DAPK3: variants seen among roughly 807,000 people sequenced by gnomAD.
The protein encoded by DAPK3 is death-associated protein kinase 3.
In DAPK3, 24 loss-of-function variants were observed where a neutral mutation model predicts 30.6. The observed-to-expected ratio is 0.78, with a 90% confidence interval of 0.57 to 1.10. The LOEUF (loss-of-function observed/expected upper bound fraction) is 1.10. DAPK3 is among the 50% of genes least tolerant of loss of function. DAPK3 has a pLI of 0.00. For missense variants in DAPK3, 629 were observed against 657.3 expected (o/e 0.96, Z 0.47); for synonymous variants, 341 against 284.0 (o/e 1.20, Z -2.02).
chr19:3,960,860 A>C (rs995361370), intron 7 of DAPK3, 149 bp downstream of exon 7: 19 of 679,540 alleles, frequency 2.8e-5, no homozygotes, highest in Non-Finnish European at 4.2e-5. Flanking sequence ...CCAGTTTATC[A>C]GTTTACTCTC....
intron 2 of DAPK3, among the ~76,000 whole-genome samples, chr19:3,965,363 T>G (rs2039566484): frequency 6.6e-6 from 1 of 152,196 alleles, no homozygotes. Context: ...ACGCCTGTAA[T>G]CCCAGCACTT....
intron 2 of DAPK3, among the ~76,000 whole-genome samples, chr19:3,967,015 G>A (rs372200640): frequency 6.6e-6 from 1 of 152,160 alleles, no homozygotes; most frequent in South Asian, 2.1e-4. Context: ...AGCGCAGGTG[G>A]GGGCACAGCA....
Position 3,958,795 on chromosome 19 carries a change from G to A in DAPK3, c.*306C>T, listed in dbSNP as rs181444669. The A allele has an allele frequency of 6.2e-4, 346 of 558,880 alleles. 2 individuals carry two copies. The highest frequency in any genetic ancestry group is 5.9e-3 in the African/African-American group (313 of 52,956). The allele number at this position is 558,880 out of a possible 1,614,324, so 34.6% of individuals were successfully genotyped here. A position where few individuals can be genotyped will look rare whatever the true frequency, so the allele number is the denominator to read the frequency against. ...AGGGCTGCATTCGGGCCGCCTCTGC[G>A]CCTCGGTGGGTCCCAACCCTCACGG... On this transcript the variant is annotated 3_prime_UTR_variant, in exon 9 of 9. Transcript: ENST00000545797.
At chr19:3,966,010 C>T (rs1345202441) in intron 2 of DAPK3, among the ~76,000 whole-genome samples, 1 of 152,054 alleles carries the variant, frequency 6.6e-6, no homozygotes, top group African/African-American at 2.4e-5. Flanking sequence ...CTTTGGAACT[C>T]CTGGCCTCAA....
intron 6 of DAPK3, 81 bp from the exon 7 acceptor site, chr19:3,961,242 C>G (rs556237440): frequency 3.7e-5 from 45 of 1,202,184 alleles, no homozygotes; most frequent in Non-Finnish European, 8.5e-6. Flanking sequence ...CCACGACAGG[C>G]GGAGCACAGA....
intron 2 of DAPK3, among the ~76,000 whole-genome samples, chr19:3,966,617 C>T (rs182433829): frequency 1.3e-5 from 2 of 152,360 alleles, no homozygotes; most frequent in Non-Finnish European, 2.9e-5. Context: ...CCGTCATTCA[C>T]TCTGCCAGGG....
chr19:3,963,081 GACA>G (rs959126890), intron 6 of DAPK3, among the ~76,000 whole-genome samples: 17 of 148,858 alleles, frequency 1.1e-4, no homozygotes, highest in Admixed American at 8.4e-4. Context: ...CTCCAACCTG[GACA>G]ACAAGAGCAA....
intron 3 of DAPK3, 31 bp downstream of exon 3, chr19:3,964,600 G>A (rs1312764878): frequency 1.0e-6 from 1 of 967,914 alleles, no homozygotes; most frequent in Non-Finnish European, 1.5e-6. Flanking sequence ...ACACTGGCCA[G>A]GCCGGCCCCA....
chr19:3,970,248 T>C (rs1717320817), intron 1 of DAPK3, among the ~76,000 whole-genome samples: 1 of 152,100 alleles, frequency 6.6e-6, no homozygotes, highest in South Asian at 2.1e-4. Context: ...AGTTCTCAAG[T>C]CTACTTCTTT....
In DAPK3 at chr19:3,959,095, C is replaced by A. The variant is rs1238653226; in HGVS notation, c.*6G>T. ...CTGTCCTGGGGCCTGGCCCACCCCACTGCGCCTAGCGCAGCCCGCACTCCA... is the reference window on the plus strand; with the variant it reads ...CTGTCCTGGGGCCTGGCCCACCCCAATGCGCCTAGCGCAGCCCGCACTCCA... On this transcript the variant is annotated 3_prime_UTR_variant, in exon 9 of 9. Coordinates refer to ENST00000545797, the MANE Select transcript of DAPK3 (RefSeq NM_001348.3). 3 of 1,507,954 alleles carry A rather than the reference C, an allele frequency of 2.0e-6. No homozygotes were observed. Among genetic ancestry groups the A allele is most frequent in the African/African-American group, 2.8e-5 (2 of 72,062 alleles). 93.4% of individuals were successfully genotyped at this position (1,507,954 alleles called of 1,614,324 possible). A position where few individuals can be genotyped will look rare whatever the true frequency, so the allele number is the denominator to read the frequency against.
At position 3,959,822 on chromosome 19, in the gene DAPK3, C is replaced by T. The variant is rs574438829; in HGVS notation, c.829-185G>A. On this transcript the variant is annotated intron_variant, in intron 8 of 8. Coordinates refer to ENST00000545797, the MANE Select transcript of DAPK3 (RefSeq NM_001348.3). ...CTCGAGAAAAACGCTGCGGCCCTGG[C>T]CCCAGGAGTCAGCCCCGTTGGACAC... The T allele has an allele frequency of 7.1e-5, 51 of 719,250 alleles. No individual in the cohort carries two copies. The East Asian group carries it at 1.2e-3, about 17-fold the overall frequency. 44.6% of individuals were successfully genotyped at this position (719,250 alleles called of 1,614,324 possible). A position where few individuals can be genotyped will look rare whatever the true frequency, so the allele number is the denominator to read the frequency against.
intron 2 of DAPK3, among the ~76,000 whole-genome samples, chr19:3,966,389 G>A (rs2039577445): frequency 6.6e-6 from 1 of 152,196 alleles, no homozygotes; most frequent in Non-Finnish European, 1.5e-5. Flanking sequence ...CTGGACCTGG[G>A]CAAGCAGAAA....
Position 3,959,006 on chromosome 19 carries a change from G to A in DAPK3, c.*95C>T, listed in dbSNP as rs1334695683. On this transcript the variant is annotated 3_prime_UTR_variant, in exon 9 of 9. Transcript: ENST00000545797. ...AGCCTGGTGGCGCTGGGCAAGGACA[G>A]GCACCCGGGCGATGGGAGGCGCAGC... 3 of 807,828 alleles carry A rather than the reference G, an allele frequency of 3.7e-6. No individual in the cohort carries two copies. Among genetic ancestry groups the A allele is most frequent in the Non-Finnish European group, 5.6e-6 (3 of 534,962 alleles). The allele number at this position is 807,828 out of a possible 1,614,324, so 50.0% of individuals were successfully genotyped here.
At chr19:3,959,823 C>G in intron 8 of DAPK3, 186 bp from the exon 9 acceptor site, 2 of 720,698 alleles carry the variant, frequency 2.8e-6, no homozygotes, top group Non-Finnish European at 4.5e-6. Flanking sequence ...CGGCCCTGGC[C>G]CCAGGAGTCA....
Position 3,969,715 on chromosome 19 carries a change from C to G in DAPK3, c.21G>C (p.Glu7Asp), listed in dbSNP as rs772025209. 6.2e-7 allele frequency: 1 copy of G among 1,612,596 alleles called. No individual in the cohort carries two copies. The highest frequency in any genetic ancestry group is 1.7e-5 in the Admixed American group (1 of 60,016). ...CCATCTCATAATGGTCCTCCACGTC[C>G]TCCTGCCTGAACGTGGACATGGCGG... MSTFRQEDVEDHYEMGE... is the reference protein window; with the variant it reads MSTFRQDDVEDHYEMGE... Residue 7 changes from glutamate (E) to aspartate (D), a missense_variant, in exon 2 of 9, where the codon GAG becomes GAC. Glu to Asp is a conservative substitution (Grantham distance 45). Around this residue, in one of 2 missense-constraint regions of DAPK3, gnomAD observed 306 missense variants for 378.5 expected, o/e 0.81. Transcript: ENST00000545797.
At chr19:3,966,431 A>C (rs1199748212) in intron 2 of DAPK3, among the ~76,000 whole-genome samples, 3 of 152,196 alleles carry the variant, frequency 2.0e-5, no homozygotes, top group Non-Finnish European at 2.9e-5. Flanking sequence ...AGACCGGTCC[A>C]GTCCACAGGG....
rs1468062644 is a variant in DAPK3 at position 3,958,536 on chromosome 19, CGGA to C, written c.*562_*564del. 6.6e-6 allele frequency: 3 copies of C among 456,586 alleles called. No individual in the cohort carries two copies. The highest frequency in any genetic ancestry group is 2.4e-5 in the Admixed American group (1 of 42,552). The allele number at this position is 456,586 out of a possible 1,614,324, so 28.3% of individuals were successfully genotyped here. On this transcript the variant is annotated 3_prime_UTR_variant, in exon 9 of 9. Transcript: ENST00000545797. ...TCCACAGGCGCGACGATGGGGCTCG[CGGA>C]GGAGTCCGCAGCAGGGCACCCCACA...
rs932982242 is a variant in DAPK3 at position 3,959,083 on chromosome 19, TGGC to T, written c.*15_*17del. ...GCCGAGCTCCGGCTGTCCTGGGGCCTGGCCCACCCCACTGCGCCTAGCGCAGCC... is the reference window on the plus strand; with the variant it reads ...GCCGAGCTCCGGCTGTCCTGGGGCCTCCACCCCACTGCGCCTAGCGCAGCC... On this transcript the variant is annotated 3_prime_UTR_variant, in exon 9 of 9. Coordinates refer to ENST00000545797, the MANE Select transcript of DAPK3 (RefSeq NM_001348.3). 1 of 1,466,844 alleles carries T rather than the reference TGGC, an allele frequency of 6.8e-7. No homozygotes were observed. Among genetic ancestry groups the T allele is most frequent in the Non-Finnish European group, 9.0e-7 (1 of 1,107,610 alleles). 90.9% of individuals were successfully genotyped at this position (1,466,844 alleles called of 1,614,324 possible). A position where few individuals can be genotyped will look rare whatever the true frequency, so the allele number is the denominator to read the frequency against.
At position 3,959,028 on chromosome 19, in the gene DAPK3, C is replaced by T; in HGVS notation, c.*73G>A. ...ACAGGCACCCGGGCGATGGGAGGCG[C>T]AGCGTCCACAGGAAGCGCCCCCACC... On this transcript the variant is annotated 3_prime_UTR_variant, in exon 9 of 9. Transcript: ENST00000545797. 1.0e-6 allele frequency: 1 copy of T among 977,248 alleles called. No homozygotes were observed. The highest frequency in any genetic ancestry group is 1.7e-5 in the South Asian group (1 of 57,724). 60.5% of individuals were successfully genotyped at this position (977,248 alleles called of 1,614,324 possible).
Sources: gnomAD v4.1 joint callset for allele counts (sites outside exome capture counted in the v4.1 genomes callset) on GRCh38, gnomAD v4.1.1 for gene constraint, gnomAD v4.1.1 regional missense constraint, MANE v1.5 for transcripts, NCBI Gene and HGNC (gene_info 2026-07-23, HGNC 2026-07-21) for gene names.